Variants in SLC18A2 observed in about 807,000 individuals in gnomAD.
SLC18A2 encodes synaptic vesicular amine transporter.
SLC18A2 carries 33 observed loss-of-function variants against 59.2 expected under a neutral mutation model. The observed-to-expected ratio is 0.56, with a 90% CI of 0.42 to 0.75. The LOEUF is 0.75. Ranked by LOEUF, SLC18A2 falls within the 30% of genes least tolerant of loss-of-function variation. The pLI, the probability that SLC18A2 is intolerant of heterozygous loss-of-function variation, is 0.00. For missense variants in SLC18A2, 569 were observed against 668.6 expected (o/e 0.85, Z 1.64); for synonymous variants, 228 against 253.5 (o/e 0.90, Z 0.95).
At chr10:117,257,718 G>A in intron 9 of SLC18A2, 79 bp from the exon 10 acceptor site, 1 of 816,320 alleles carries the variant, frequency 1.2e-6, no homozygotes, top group Non-Finnish European at 1.9e-6. Context: ...TATCTGAGCT[G>A]TAGGCGCATG....
intron 3 of SLC18A2, among the ~76,000 whole-genome samples, chr10:117,247,911 C>G (rs552161879): frequency 4.3e-4 from 66 of 152,296 alleles, no homozygotes; most frequent in African/African-American, 1.5e-3. Flanking sequence ...TATTCACAGT[C>G]GTGATGGTGC....
chr10:117,266,696 T>C (rs762010587), intron 10 of SLC18A2, 37 bp from the exon 11 acceptor site: 26 of 1,439,942 alleles, frequency 1.8e-5, no homozygotes, highest in Non-Finnish European at 2.4e-5. Context: ...ATGACTGATA[T>C]CAGCACTGAT....
Position 117,255,674 on chromosome 10 carries a change from C to CT in SLC18A2, c.895+19dup. The CT allele has an allele frequency of 6.2e-7, 1 of 1,611,028 alleles. No individual in the cohort carries two copies. The highest frequency in any genetic ancestry group is 8.5e-7 in the Non-Finnish European group (1 of 1,179,400). On this transcript the variant is annotated intron_variant, in intron 9 of 15. Coordinates refer to ENST00000644641, the MANE Select transcript of SLC18A2 (RefSeq NM_003054.6). The stretch of plus-strand genomic sequence containing the variant: ...TTGCTGCAGGTGGGGCTCTGTGGGT[C>CT]TTCTGAGTCAGGGGAATGCGAGGTG...
intron 15 of SLC18A2, among the ~76,000 whole-genome samples, chr10:117,275,185 C>T (rs1044960434): frequency 6.6e-6 from 1 of 152,102 alleles, no homozygotes; most frequent in East Asian, 1.9e-4. Flanking sequence ...TTATTGAATA[C>T]AAGTATCAAT....
At chr10:117,255,149 T>C in intron 6 of SLC18A2, 128 bp from the exon 7 acceptor site, 4 of 833,572 alleles carry the variant, frequency 4.8e-6, no homozygotes, top group Non-Finnish European at 7.7e-6. Flanking sequence ...AACAGAACAA[T>C]AGGGCAGCCA....
chr10:117,253,306 C>T, intron 3 of SLC18A2, 93 bp from the exon 4 acceptor site: 1 of 888,830 alleles, frequency 1.1e-6, no homozygotes, highest in Non-Finnish European at 1.9e-6. Flanking sequence ...ACTTATCTGT[C>T]TGATCCCAAA....
At chr10:117,259,658 C>T (rs576424670) in intron 10 of SLC18A2, among the ~76,000 whole-genome samples, 12 of 152,320 alleles carry the variant, frequency 7.9e-5, no homozygotes, top group South Asian at 2.1e-4. Context: ...TGGGAGTTTT[C>T]GGGCCACTGT....
In SLC18A2 at chr10:117,270,081, T is replaced by C; in HGVS notation, c.1197T>C (p.Asp399=). The change falls in exon 14 of 16, where the codon GAT becomes GAC. Residue 399 remains aspartate, a synonymous_variant. Transcript: ENST00000644641. ...CCTGACTGTCTTCAGGAATGGTGGATTCGTCAATGATGCCTATCATGGGCT... is the reference window on the plus strand; with the variant it reads ...CCTGACTGTCTTCAGGAATGGTGGACTCGTCAATGATGCCTATCATGGGCT... ...FGVGFAIGMV[D]SSMMPIMGYL... 1.2e-6 allele frequency: 2 copies of C among 1,614,220 alleles called. No individual in the cohort carries two copies. Among genetic ancestry groups the C allele is most frequent in the Non-Finnish European group, 1.7e-6 (2 of 1,180,026 alleles).
chr10:117,272,540 C>T (rs1179276073), intron 15 of SLC18A2, among the ~76,000 whole-genome samples: 1 of 152,106 alleles, frequency 6.6e-6, no homozygotes, highest in East Asian at 1.9e-4. Flanking sequence ...CTCCTCTTTC[C>T]CCATTTAAAC....
At position 117,263,606 on chromosome 10, in the gene SLC18A2, C is replaced by T. The variant is rs1844317948; in HGVS notation, c.992-3127C>T. Among the ~76,000 whole-genome samples, 5 of 152,260 alleles carry T rather than the reference C, an allele frequency of 3.3e-5. No individual in the cohort carries two copies. The South Asian group carries it at 8.3e-4, about 25-fold the overall frequency. ...CTGCCACTTGAGGGGAAGCCCTGGG[C>T]TTGAGTGGGTGGAGAAAGAATGATT... On this transcript the variant is annotated intron_variant, in intron 10 of 15. Transcript: ENST00000644641.
At chr10:117,247,353 G>T (rs1844119807) in intron 3 of SLC18A2, among the ~76,000 whole-genome samples, 1 of 152,220 alleles carries the variant, frequency 6.6e-6, no homozygotes, top group Non-Finnish European at 1.5e-5. Context: ...TTTTGGGCCA[G>T]TCCTAGCATT....
chr10:117,265,373 C>T (rs946204165), intron 10 of SLC18A2, among the ~76,000 whole-genome samples: 4 of 152,068 alleles, frequency 2.6e-5, no homozygotes, highest in African/African-American at 7.2e-5. Flanking sequence ...GACCTCCAGG[C>T]CCCATGCATT....
chr10:117,245,137 C>A (rs1355548041), intron 3 of SLC18A2, among the ~76,000 whole-genome samples: 2 of 152,162 alleles, frequency 1.3e-5, no homozygotes, highest in East Asian at 3.9e-4. Context: ...GAGGCAGGCC[C>A]CCAAGGTGTC....
At chr10:117,260,936 T>G (rs1188471389) in intron 10 of SLC18A2, among the ~76,000 whole-genome samples, 1 of 152,226 alleles carries the variant, frequency 6.6e-6, no homozygotes, top group African/African-American at 2.4e-5. Context: ...GGCTGTTTCC[T>G]TAACTCTAAA....
chr10:117,252,390 C>T (rs1198789659), intron 3 of SLC18A2, among the ~76,000 whole-genome samples: 2 of 152,024 alleles, frequency 1.3e-5, no homozygotes, highest in African/African-American at 4.8e-5. Flanking sequence ...TCATTCCTCT[C>T]CAGGTTCCTG....
At chr10:117,271,951 G>A (rs1175410716) in intron 15 of SLC18A2, among the ~76,000 whole-genome samples, 3 of 152,166 alleles carry the variant, frequency 2.0e-5, no homozygotes, top group Non-Finnish European at 4.4e-5. Context: ...GTCTGTGTGT[G>A]TGTGTATAAA....
intron 4 of SLC18A2, 60 bp downstream of exon 4, chr10:117,253,517 A>G: frequency 1.2e-6 from 1 of 824,954 alleles, no homozygotes. Context: ...ATTGATGCCC[A>G]TGAGCCGGGA....
chr10:117,269,058 TAAACAC>T lies in SLC18A2; in HGVS notation c.1187-1011_1187-1006del, dbSNP rs1320115849. Reference sequence around the variant, plus strand: ...CACATACACACATACACCCCCCACATAAACACATACACATACACAAATATACATACA... The same window carrying T: ...CACATACACACATACACCCCCCACATATACACATACACAAATATACATACA... On this transcript the variant is annotated intron_variant, in intron 13 of 15. Transcript: ENST00000644641. This position sits in a 1 kb window ranked among gnomAD's most constrained non-coding sequence, Gnocchi z 5.1. Among the ~76,000 whole-genome samples, 4 of 147,462 alleles carry T rather than the reference TAAACAC, an allele frequency of 2.7e-5. No individual in the cohort carries two copies. The highest frequency in any genetic ancestry group is 1.0e-4 in the African/African-American group (4 of 39,372).
In SLC18A2 at chr10:117,249,492, C is replaced by G. The variant is rs1565002376; in HGVS notation, c.465-3907C>G. 1.3e-5 allele frequency among the ~76,000 whole-genome samples: 2 copies of G among 152,248 alleles called. 1 individual carries two copies. Among genetic ancestry groups the G allele is most frequent in the African/African-American group, 4.8e-5 (2 of 41,470 alleles). On this transcript the variant is annotated intron_variant, in intron 3 of 15. Transcript: ENST00000644641. ...AAATATCATTCCATTTACTGACATT[C>G]ATTTACTGCACACCTTTTAGGAGTG...
Sources: allele counts gnomAD v4.1 joint callset (sites outside exome capture counted in the v4.1 genomes callset), GRCh38; gene constraint gnomAD v4.1.1; non-coding constraint Gnocchi (gnomAD v3.1); transcripts MANE v1.5; gene names NCBI Gene and HGNC (gene_info 2026-07-23, HGNC 2026-07-21).